Variants in PLAAT3 observed in about 807,000 individuals in gnomAD.
PLAAT3 encodes the protein phospholipase A and acyltransferase 3, also known as Ca-independent phospholipase A1/2.
PLAAT3 carries 21 observed loss-of-function variants against 16.7 expected under a neutral mutation model. The observed-to-expected ratio is 1.26, with a 90% confidence interval of 0.89 to 1.81. PLAAT3 has a LOEUF of 1.81. Among genes scored for constraint, PLAAT3 ranks in the 40% most tolerant of loss-of-function variants. The pLI is 0.00. For missense variants in PLAAT3, 219 were observed against 213.7 expected (o/e 1.02, Z -0.16); for synonymous variants, 76 against 81.7 (o/e 0.93, Z 0.38).
chr11:63,579,873 A>AC (rs961499994), intron 4 of PLAAT3, among the ~76,000 whole-genome samples: 4 of 48,844 alleles, frequency 8.2e-5, no homozygotes, highest in Non-Finnish European at 1.6e-4. Context: ...AAAGTATAAT[A>AC]AAAAAAAAAA....
intron 4 of PLAAT3, among the ~76,000 whole-genome samples, chr11:63,581,744 C>T (rs572999850): frequency 5.9e-5 from 9 of 152,250 alleles, no homozygotes; most frequent in East Asian, 3.9e-4. Flanking sequence ...GTTGTCATCA[C>T]GGTCCTACCA....
rs768178985 is a variant in PLAAT3, at chr11:63,590,306, T to C, written c.181A>G (p.Lys61Glu). The change falls in exon 4 of 5, where the codon AAG becomes GAG. Residue 61 changes from lysine (K) to glutamate (E), a missense_variant. Lys to Glu is a moderately conservative substitution (Grantham distance 56). Coordinates refer to ENST00000415826, the MANE Select transcript of PLAAT3 (RefSeq NM_001128203.2). ...MSALTDKAIV[K>E]KELLYDVAGS... The stretch of plus-strand genomic sequence containing the variant: ...GCCACATCATACAGCAATTCCTTCT[T>C]CACGATGGCCTTGTCAGTCAGGGCG... 5 of 1,614,164 alleles carry C rather than the reference T, an allele frequency of 3.1e-6. No homozygotes were observed. Among genetic ancestry groups the C allele is most frequent in the Non-Finnish European group, 2.5e-6 (3 of 1,179,994 alleles).
intron 4 of PLAAT3, among the ~76,000 whole-genome samples, chr11:63,585,763 T>A (rs1256902818): frequency 6.6e-6 from 1 of 152,170 alleles, no homozygotes; most frequent in Non-Finnish European, 1.5e-5. Context: ...AATGGGTAGA[T>A]GGGTAGGGCC....
upstream of PLAAT3, among the ~76,000 whole-genome samples, chr11:63,615,156 A>ATGTGTGTGTATATGTGTATATG: frequency 3.2e-5 from 1 of 30,802 alleles, no homozygotes; most frequent in South Asian, 1.4e-3. Context: ...GTGTGTATAT[A>ATGTGTGTGTATATGTGTATATG]TGTGTATATA....
chr11:63,575,277 A>G (rs887536132), intron 4 of PLAAT3, among the ~76,000 whole-genome samples: 2 of 152,248 alleles, frequency 1.3e-5, no homozygotes, highest in African/African-American at 4.8e-5. Context: ...AAGATGGAAA[A>G]CTGGATTCAC....
In PLAAT3 at chr11:63,605,543, CTTTGTT is replaced by C. The variant is rs113737539; in HGVS notation, c.16-7386_16-7381del. ...CCCTCTGTCCAGTGTCTTTTTTGTT[CTTTGTT>C]TTTGTTTTTGTTTTTGTTTTTGAGA... On this transcript the variant is annotated intron_variant, in intron 2 of 4. Transcript: ENST00000415826. Among the ~76,000 whole-genome samples the C allele has an allele frequency of 5.4e-3, 822 of 151,874 alleles. 7 individuals carry two copies. Among genetic ancestry groups the C allele is most frequent in the African/African-American group, 0.018 (734 of 41,428 alleles).
At chr11:63,592,551 G>C (rs528209993) in intron 3 of PLAAT3, among the ~76,000 whole-genome samples, 36 of 152,330 alleles carry the variant, frequency 2.4e-4, no homozygotes, top group African/African-American at 7.7e-4. Flanking sequence ...GCATGTGGAT[G>C]TGGCAATCCA....
intron 4 of PLAAT3, among the ~76,000 whole-genome samples, chr11:63,588,470 T>A (rs966221549): frequency 5.8e-5 from 5 of 86,438 alleles, no homozygotes; most frequent in Non-Finnish European, 8.9e-5. Flanking sequence ...TCCCCTGGTC[T>A]CCTGCTTTCT....
intron 3 of PLAAT3, among the ~76,000 whole-genome samples, chr11:63,596,238 A>C (rs946980561): frequency 1.8e-3 from 34 of 18,444 alleles, no homozygotes; most frequent in East Asian, 0.018. Context: ...AGACTCTGTC[A>C]AAAAAAAAAA....
intron 4 of PLAAT3, among the ~76,000 whole-genome samples, chr11:63,588,116 C>T (rs554562365): frequency 6.6e-6 from 1 of 152,230 alleles, no homozygotes; most frequent in South Asian, 2.1e-4. Flanking sequence ...GTCACCTAGG[C>T]TGGAGTGCAG....
chr11:63,589,167 T>C (rs370016939), intron 4 of PLAAT3, among the ~76,000 whole-genome samples: 9 of 151,420 alleles, frequency 5.9e-5, no homozygotes, highest in African/African-American at 2.2e-4. Context: ...CTGGACTAAC[T>C]CTCCTGAGGT....
intron 2 of PLAAT3, among the ~76,000 whole-genome samples, chr11:63,605,938 G>A (rs576474553): frequency 2.6e-5 from 4 of 152,236 alleles, no homozygotes; most frequent in South Asian, 2.1e-4. Context: ...CAGCCGACCC[G>A]CGCTCTGTGC....
intron 2 of PLAAT3, among the ~76,000 whole-genome samples, chr11:63,605,961 G>C (rs1203738882): frequency 6.6e-6 from 1 of 152,128 alleles, no homozygotes; most frequent in African/African-American, 2.4e-5. Context: ...AAGTTCACGG[G>C]GTTCCTGACT....
rs1348029208 is a variant in PLAAT3 at position 63,574,811 on chromosome 11, T to G, written c.*134A>C. 3.2e-6 allele frequency: 2 copies of G among 632,484 alleles called. No homozygotes were observed. The highest frequency in any genetic ancestry group is 2.7e-5 in the Admixed American group (1 of 36,864). The allele number at this position is 632,484 out of a possible 1,614,324, so 39.2% of individuals were successfully genotyped here. A position where few individuals can be genotyped will look rare whatever the true frequency, so the allele number is the denominator to read the frequency against. ...CCCCCAATAAAATCCTCCCTCGTTTTGCTTTATTTTATTCTGTGAAAATAA... is the reference window on the plus strand; with the variant it reads ...CCCCCAATAAAATCCTCCCTCGTTTGGCTTTATTTTATTCTGTGAAAATAA... On this transcript the variant is annotated 3_prime_UTR_variant, in exon 5 of 5. Coordinates refer to ENST00000415826, the MANE Select transcript of PLAAT3 (RefSeq NM_001128203.2).
chr11:63,614,276 T>TCTAC (rs1938774815), intron 1 of PLAAT3, 109 bp downstream of exon 1: 6 of 570,410 alleles, frequency 1.1e-5, no homozygotes, highest in Middle Eastern at 3.1e-4. Context: ...GGCAGGCTAG[T>TCTAC]CTACACCCGC....
chr11:63,612,013 C>T (rs1361071216), intron 2 of PLAAT3, among the ~76,000 whole-genome samples: 1 of 152,206 alleles, frequency 6.6e-6, no homozygotes, highest in African/African-American at 2.4e-5. Context: ...TGGCGCATGC[C>T]TGTAATCCCA....
chr11:63,590,431 C>G (rs1938123116), intron 3 of PLAAT3, 63 bp from the exon 4 acceptor site: 1 of 1,505,622 alleles, frequency 6.6e-7, no homozygotes, highest in South Asian at 1.2e-5. Flanking sequence ...AGGCTCAGAG[C>G]TGGCCCCCAG....
intron 2 of PLAAT3, among the ~76,000 whole-genome samples, chr11:63,599,112 C>G (rs552314076): frequency 6.6e-6 from 1 of 152,204 alleles, no homozygotes; most frequent in African/African-American, 2.4e-5. Context: ...AGTTCCGACT[C>G]TCACTAGAAT....
At chr11:63,610,436 G>A (rs116298613) in intron 2 of PLAAT3, among the ~76,000 whole-genome samples, 1,613 of 152,266 alleles carry the variant, frequency 0.011, 31 homozygotes, top group African/African-American at 0.036. Flanking sequence ...CCAGAATTCC[G>A]TCTAATTCAC....
Sources: gnomAD v4.1 joint callset for allele counts (sites outside exome capture counted in the v4.1 genomes callset) on GRCh38, gnomAD v4.1.1 for gene constraint, MANE v1.5 for transcripts, NCBI Gene and HGNC (gene_info 2026-07-23, HGNC 2026-07-21) for gene names.